Variants in TSBP1 observed in about 807,000 individuals in gnomAD.
TSBP1 encodes testis-expressed basic protein 1.
TSBP1 carries 56 observed loss-of-function variants against 68.8 expected under a neutral mutation model. That is an observed-to-expected ratio of 0.81 (90% CI 0.66 to 1.02). The LOEUF (loss-of-function observed/expected upper bound fraction) is 1.02. TSBP1 is among the 50% of genes least tolerant of loss of function. The pLI is 0.00. For synonymous variants in TSBP1, 171 were observed against 208.7 expected, an observed-to-expected ratio of 0.82 and a Z score of 1.56; for missense variants, 502 against 641.2, an observed-to-expected ratio of 0.78 and a Z score of 2.34.
intron 16 of TSBP1, chr6:32,324,493 T>C (rs1448643223): frequency 1.1e-6 from 1 of 906,068 alleles, no homozygotes; most frequent in Non-Finnish European, 1.8e-6. Flanking sequence ...CTTAAAACTT[T>C]CCAGTACATC....
Position 32,335,303 on chromosome 6 carries a change from G to T in TSBP1, c.472+134C>A. 1.4e-6 allele frequency: 1 copy of T among 708,746 alleles called. No homozygotes were observed. The highest frequency in any genetic ancestry group is 2.1e-6 in the Non-Finnish European group (1 of 476,706). The allele number at this position is 708,746 out of a possible 1,614,324, so 43.9% of individuals were successfully genotyped here. A position where few individuals can be genotyped will look rare whatever the true frequency, so the allele number is the denominator to read the frequency against. ...AGAACCTGGATGAGTCCAATCTGGA[G>T]TACTGGGTGAGATTATGAGGTGGCA... On this transcript the variant is annotated intron_variant, in intron 14 of 22. Transcript: ENST00000612031. This position sits in a 1 kb window ranked among gnomAD's most constrained non-coding sequence, Gnocchi z 5.5.
At chr6:32,311,055 AT>A (rs1316043080) in intron 19 of TSBP1, among the ~76,000 whole-genome samples, 1 of 151,984 alleles carries the variant, frequency 6.6e-6, no homozygotes, top group African/African-American at 2.4e-5. Flanking sequence ...TATTTTTTCC[AT>A]ATTGAAATAC....
chr6:32,370,407 GTATATA>G (rs9279612), intron 1 of TSBP1, among the ~76,000 whole-genome samples: 5,574 of 130,456 alleles, frequency 0.043, 175 homozygotes, highest in Admixed American at 0.068. Context: ...AAGATTTTCT[GTATATA>G]TATATATATA....
chr6:32,319,329 A>T, intron 18 of TSBP1, among the ~76,000 whole-genome samples: 1 of 112,780 alleles, frequency 8.9e-6, no homozygotes, highest in Non-Finnish European at 2.1e-5. Flanking sequence ...TCTCCTTGCC[A>T]CACTCACCTT....
chr6:32,321,365 A>G lies in TSBP1; in HGVS notation c.559+1752T>C, dbSNP rs1180736058. ...GGATTTTTACATCTTTTTCCTGCCCATACTCTCTGATGACTTCTCTGAAAA... is the reference window on the plus strand; with the variant it reads ...GGATTTTTACATCTTTTTCCTGCCCGTACTCTCTGATGACTTCTCTGAAAA... On this transcript the variant is annotated intron_variant, in intron 18 of 22. Transcript: ENST00000612031. This position sits in a 1 kb window ranked among gnomAD's most constrained non-coding sequence, Gnocchi z 4.3. 2.0e-5 allele frequency among the ~76,000 whole-genome samples: 3 copies of G among 152,042 alleles called. No individual in the cohort carries two copies. The highest frequency in any genetic ancestry group is 7.3e-5 in the African/African-American group (3 of 41,376).
intron 22 of TSBP1, among the ~76,000 whole-genome samples, chr6:32,296,739 A>G (rs1764765685): frequency 1.3e-5 from 2 of 152,100 alleles, no homozygotes; most frequent in Non-Finnish European, 2.9e-5. Context: ...CCTTGGGGGT[A>G]ATTATTTGCT....
At chr6:32,307,835 G>A (rs1765921399) in intron 19 of TSBP1, among the ~76,000 whole-genome samples, 1 of 151,426 alleles carries the variant, frequency 6.6e-6, no homozygotes, top group South Asian at 2.1e-4. Flanking sequence ...GAGTGCAATG[G>A]TGCAATCTCG....
rs9281761 is a variant in TSBP1, at chr6:32,369,373, A to ATTTTTTTTTTTTTTTT, written c.100+523_100+524insAAAAAAAAAAAAAAAA. ...CTTATTACTTTTGCTAAACTCTGTG[A>ATTTTTTTTTTTTTTTT]TTTTTTTTTTTTTTTGAGATGGAGT... On this transcript the variant is annotated intron_variant, in intron 2 of 22. Coordinates refer to ENST00000612031, the Ensembl canonical transcript of TSBP1. Among the ~76,000 whole-genome samples the ATTTTTTTTTTTTTTTT allele has an allele frequency of 2.7e-3, 340 of 126,932 alleles. 11 individuals carry two copies. The highest frequency in any genetic ancestry group is 4.0e-3 in the Middle Eastern group (1 of 248). The allele number at this position is 126,932 out of a possible 152,430, so 83.3% of individuals were successfully genotyped here.
chr6:32,335,965 T>G lies in TSBP1; in HGVS notation c.431-33A>C. 1 of 1,589,404 alleles carries G rather than the reference T, an allele frequency of 6.3e-7. No homozygotes were observed. Among genetic ancestry groups the G allele is most frequent in the Non-Finnish European group, 8.6e-7 (1 of 1,162,616 alleles). ...AGAGAAAGAGGGAGAAAGAAAAAGA[T>G]ATCAGTATGCTTCACCACTGTGAAG... On this transcript the variant is annotated intron_variant, in intron 12 of 22. Coordinates refer to ENST00000612031, the Ensembl canonical transcript of TSBP1. This position sits in a 1 kb window ranked among gnomAD's most constrained non-coding sequence, Gnocchi z 5.5.
intron 6 of TSBP1, among the ~76,000 whole-genome samples, chr6:32,362,852 G>A (rs1033348208): frequency 3.3e-5 from 5 of 152,016 alleles, no homozygotes; most frequent in Admixed American, 6.5e-5. Flanking sequence ...TTTTGTTTTT[G>A]CATATGGATA....
intron 22 of TSBP1, among the ~76,000 whole-genome samples, chr6:32,299,486 A>T (rs1267768407): frequency 6.6e-6 from 1 of 152,250 alleles, no homozygotes; most frequent in African/African-American, 2.4e-5. Flanking sequence ...GGAATTCAGA[A>T]ACCAATCTTC....
chr6:32,305,710 G>A (rs7341270), intron 19 of TSBP1, among the ~76,000 whole-genome samples: 32,007 of 152,050 alleles, frequency 0.21, 3,557 homozygotes, highest in East Asian at 0.22. Context: ...TGGCCAGGCT[G>A]GTCTCGAACT....
At chr6:32,331,902 T>C in intron 15 of TSBP1, 132 bp downstream of exon 16, 2 of 728,174 alleles carry the variant, frequency 2.7e-6, no homozygotes, top group Non-Finnish European at 4.8e-6. Flanking sequence ...ACAGTTACGA[T>C]ATGGGGAAAT....
At chr6:32,307,871 G>A (rs1265556992) in intron 19 of TSBP1, among the ~76,000 whole-genome samples, 1 of 151,656 alleles carries the variant, frequency 6.6e-6, no homozygotes, top group Non-Finnish European at 1.5e-5. Flanking sequence ...TGCCTCCTAG[G>A]TTCAAGTGAC....
At chr6:32,329,238 CA>C (rs28381642) in intron 16 of TSBP1, among the ~76,000 whole-genome samples, 51,022 of 151,926 alleles carry the variant, frequency 0.34, 9,609 homozygotes, top group Middle Eastern at 0.52. Context: ...GGGAGTCAAG[CA>C]GGGGAGAAAA....
rs1769971326 is a variant in TSBP1 at position 32,338,777 on chromosome 6, G to T, written c.409+202C>A. Among the ~76,000 whole-genome samples the T allele has an allele frequency of 6.6e-6, 1 of 152,014 alleles. No individual in the cohort carries two copies. The highest frequency in any genetic ancestry group is 1.5e-5 in the Non-Finnish European group (1 of 68,012). On this transcript the variant is annotated intron_variant, in intron 11 of 22. Transcript: ENST00000612031. This position sits in a 1 kb window ranked among gnomAD's most constrained non-coding sequence, Gnocchi z 5.5. ...TTTTCCCTTTGCTGTTGAATCTCAA[G>T]ATTTCGGAAAAGTTAAAGGCAATAG...
chr6:32,303,311 C>T (rs144936508), intron 19 of TSBP1, among the ~76,000 whole-genome samples: 1,565 of 131,512 alleles, frequency 0.012, 13 homozygotes, highest in Non-Finnish European at 0.015. Flanking sequence ...AGTTCTAGTA[C>T]GTGTTTTTTT....
rs1269220983 is a variant in TSBP1 at position 32,304,284 on chromosome 6, A to C, written c.581-1655T>G. Reference sequence around the variant, plus strand: ...GCAAATAAAGGAATCGAGATGCTACAAAAGACCAGAGGAAACTGAGAAAAA... The same window carrying C: ...GCAAATAAAGGAATCGAGATGCTACCAAAGACCAGAGGAAACTGAGAAAAA... On this transcript the variant is annotated intron_variant, in intron 19 of 22. Transcript: ENST00000612031. This position sits in a 1 kb window ranked among gnomAD's most constrained non-coding sequence, Gnocchi z 4.8. Among the ~76,000 whole-genome samples the C allele has an allele frequency of 6.6e-6, 1 of 152,212 alleles. No individual in the cohort carries two copies. Among genetic ancestry groups the C allele is most frequent in the Non-Finnish European group, 1.5e-5 (1 of 68,028 alleles).
At chr6:32,305,044 C>CT (rs1289225410) in intron 19 of TSBP1, among the ~76,000 whole-genome samples, 1 of 152,144 alleles carries the variant, frequency 6.6e-6, no homozygotes, top group Admixed American at 6.6e-5. Flanking sequence ...TCAGCACTGA[C>CT]TGAGTGGTTA....
Sources: allele counts gnomAD v4.1 joint callset (sites outside exome capture counted in the v4.1 genomes callset), GRCh38; gene constraint gnomAD v4.1.1; non-coding constraint Gnocchi (gnomAD v3.1); transcripts MANE v1.5; gene names NCBI Gene and HGNC (gene_info 2026-07-23, HGNC 2026-07-21).